The following FARP1 variants were observed in gnomAD, a reference collection of about 807,000 sequenced individuals.
The protein encoded by FARP1 is FERM, ARH/RhoGEF and pleckstrin domain protein 1.
A neutral mutation model predicts 128.8 loss-of-function variants in FARP1; 52 were observed. The ratio of observed to expected loss-of-function variants is 0.40; its 90% CI spans 0.32 to 0.51. The LOEUF is 0.51. Among genes scored for constraint, FARP1 ranks in the 20% least tolerant of loss-of-function variants. The pLI is 0.45. For synonymous variants in FARP1, 580 were observed against 551.8 expected, an observed-to-expected ratio of 1.05 and a Z score of -0.72; for missense variants, 1,333 against 1,367.9, an observed-to-expected ratio of 0.97 and a Z score of 0.40.
At chr13:98,430,267 A>G (rs192724954) in intron 17 of FARP1, among the ~76,000 whole-genome samples, 1 of 152,328 alleles carries the variant, frequency 6.6e-6, no homozygotes, top group Admixed American at 6.5e-5. Context: ...ATAAAAATTC[A>G]GATTTGGGAG....
intron 3 of FARP1, among the ~76,000 whole-genome samples, chr13:98,353,412 C>T (rs1280810521): frequency 1.3e-5 from 2 of 152,164 alleles, no homozygotes; most frequent in Admixed American, 6.5e-5. Flanking sequence ...GAGTTTCACT[C>T]TTGTTGCCCA....
chr13:98,446,172 A>G lies in FARP1; in HGVS notation c.2871A>G (p.Thr957=). The change falls in exon 25 of 27, where the codon ACA becomes ACG. Residue 957 remains threonine, a synonymous_variant. Coordinates refer to ENST00000319562, the MANE Select transcript of FARP1 (RefSeq NM_005766.4). ...GGCAGAAGCTGTGGGTGGTGTTCAC[A>G]AACTTCTGCCTGTTCTTCTACAAAT... is the stretch of plus-strand genomic sequence containing the variant. The part of the protein sequence containing the change: ...NGWQKLWVVF[T]NFCLFFYKSH... 1.9e-6 allele frequency: 3 copies of G among 1,613,818 alleles called. No homozygotes were observed. The highest frequency in any genetic ancestry group is 2.5e-6 in the Non-Finnish European group (3 of 1,179,712).
intron 6 of FARP1, chr13:98,382,430 C>T (rs1209753705): frequency 1.3e-5 from 2 of 152,088 alleles, no homozygotes; most frequent in Non-Finnish European, 2.9e-5. Context: ...CACCCTGATG[C>T]CAAAGGAAAA....
intron 2 of FARP1, among the ~76,000 whole-genome samples, chr13:98,285,640 C>G (rs563828509): frequency 6.6e-6 from 1 of 152,162 alleles, no homozygotes; most frequent in African/African-American, 2.4e-5. Flanking sequence ...TTTTGTTTTG[C>G]GTATTTGGTC....
intron 3 of FARP1, among the ~76,000 whole-genome samples, chr13:98,349,259 C>T (rs1566905566): frequency 6.6e-6 from 1 of 152,206 alleles, no homozygotes; most frequent in Non-Finnish European, 1.5e-5. Context: ...TAATCAGATA[C>T]TTTACAATGA....
Position 98,246,866 on chromosome 13 carries a change from C to T in FARP1, c.171+33453C>T, listed in dbSNP as rs1196837625. 5.3e-5 allele frequency among the ~76,000 whole-genome samples: 8 copies of T among 152,254 alleles called. No homozygotes were observed. The East Asian group carries it at 1.5e-3, about 29-fold the overall frequency. On this transcript the variant is annotated intron_variant, in intron 2 of 26. Coordinates refer to ENST00000319562, the MANE Select transcript of FARP1 (RefSeq NM_005766.4). ...TGTTCCTTGAGCCCATGGATTCTGC[C>T]TGTGCACTTCCTGCATACAACCGTC...
intron 2 of FARP1, among the ~76,000 whole-genome samples, chr13:98,246,182 C>CTT (rs1488949258): frequency 6.8e-6 from 1 of 147,070 alleles, no homozygotes; most frequent in African/African-American, 2.5e-5. Flanking sequence ...GCAGGCTCCG[C>CTT]CCCCTGGGGT....
intron 1 of FARP1, among the ~76,000 whole-genome samples, chr13:98,151,228 A>G (rs1302250654): frequency 2.0e-5 from 3 of 152,156 alleles, no homozygotes; most frequent in Non-Finnish European, 4.4e-5. Context: ...GGTTATTGTT[A>G]ATCTCACTGT....
In FARP1 at chr13:98,176,863, G is replaced by A. The variant is rs1241250348; in HGVS notation, c.-24+33371G>A. On this transcript the variant is annotated intron_variant, in intron 1 of 26. Coordinates refer to ENST00000319562, the MANE Select transcript of FARP1 (RefSeq NM_005766.4). The surrounding 1 kb of genome is among the most constrained non-coding windows in gnomAD (Gnocchi z 6.2). The stretch of plus-strand genomic sequence containing the variant: ...CCGCTGGCTGCACTTGAGGATGGTC[G>A]GCGTATGGTGCTCCTTCTCGGTGTC... The A allele has an allele frequency of 7.5e-6, 12 of 1,609,108 alleles. No homozygotes were observed. Among genetic ancestry groups the A allele is most frequent in the Non-Finnish European group, 9.3e-6 (11 of 1,179,908 alleles).
At chr13:98,204,806 G>A (rs1390539461) in intron 1 of FARP1, among the ~76,000 whole-genome samples, 1 of 152,144 alleles carries the variant, frequency 6.6e-6, no homozygotes, top group Non-Finnish European at 1.5e-5. Context: ...CTAACTGGTG[G>A]TGGTGGTGGT....
chr13:98,176,810 G>C lies in FARP1; in HGVS notation c.-24+33318G>C, dbSNP rs764675566. On this transcript the variant is annotated intron_variant, in intron 1 of 26. Transcript: ENST00000319562. The surrounding 1 kb of genome is among the most constrained non-coding windows in gnomAD (Gnocchi z 6.2). The stretch of plus-strand genomic sequence containing the variant: ...TGGATTCCCCGGTAGATGTGGTCGT[G>C]CTCCCGACCCCGCAGTGCCTCCTGG... The C allele has an allele frequency of 6.2e-7, 1 of 1,613,260 alleles. No homozygotes were observed. Among genetic ancestry groups the C allele is most frequent in the Non-Finnish European group, 8.5e-7 (1 of 1,179,990 alleles).
chr13:98,376,191 G>A (rs541544429), intron 5 of FARP1, among the ~76,000 whole-genome samples: 46 of 152,208 alleles, frequency 3.0e-4, no homozygotes, highest in African/African-American at 1.1e-3. Context: ...ATTATTGACT[G>A]TAGTCACCCA....
intron 1 of FARP1, among the ~76,000 whole-genome samples, chr13:98,168,530 G>A (rs989952022): frequency 3.3e-5 from 5 of 152,336 alleles, no homozygotes; most frequent in East Asian, 1.9e-4. Flanking sequence ...CCTGGTCAGC[G>A]TCCTGGGGTC....
Position 98,176,607 on chromosome 13 carries a change from GCTGT to G in FARP1, c.-24+33117_-24+33120del. 1 of 1,614,232 alleles carries G rather than the reference GCTGT, an allele frequency of 6.2e-7. No individual in the cohort carries two copies. Among genetic ancestry groups the G allele is most frequent in the Admixed American group, 1.7e-5 (1 of 60,028 alleles). On this transcript the variant is annotated intron_variant, in intron 1 of 26. Coordinates refer to ENST00000319562, the MANE Select transcript of FARP1 (RefSeq NM_005766.4). This position sits in a 1 kb window ranked among gnomAD's most constrained non-coding sequence, Gnocchi z 6.2. ...CGGAACGGTCGTGGAGGAATTTGCAGCTGTCCCCGAAGCCACAGAAGCCAGTCTC... is the reference window on the plus strand; with the variant it reads ...CGGAACGGTCGTGGAGGAATTTGCAGCCCCGAAGCCACAGAAGCCAGTCTC...
At chr13:98,319,619 C>T (rs1886903481) in intron 2 of FARP1, among the ~76,000 whole-genome samples, 1 of 152,212 alleles carries the variant, frequency 6.6e-6, no homozygotes, top group Non-Finnish European at 1.5e-5. Context: ...GACTCTGTCT[C>T]AGAAAAGAAT....
At chr13:98,184,772 G>A (rs72655117) in intron 1 of FARP1, among the ~76,000 whole-genome samples, 5 of 152,234 alleles carry the variant, frequency 3.3e-5, no homozygotes, top group African/African-American at 4.8e-5. Flanking sequence ...ATTGTTTCTA[G>A]TACCGTGTCT....
At chr13:98,380,100 G>A (rs1019558262) in intron 6 of FARP1, among the ~76,000 whole-genome samples, 1 of 152,148 alleles carries the variant, frequency 6.6e-6, no homozygotes, top group African/African-American at 2.4e-5. Context: ...ATGCCATTGA[G>A]TCGTGTACTT....
chr13:98,188,727 G>T (rs559481342), intron 1 of FARP1, among the ~76,000 whole-genome samples: 2 of 152,118 alleles, frequency 1.3e-5, no homozygotes, highest in Non-Finnish European at 2.9e-5. Context: ...TGGAGTCTGC[G>T]GTGTCCACAC....
chr13:98,243,651 C>T (rs1044265715), intron 2 of FARP1, among the ~76,000 whole-genome samples: 14 of 142,002 alleles, frequency 9.9e-5, no homozygotes, highest in African/African-American at 3.2e-4. Flanking sequence ...GAGCCTAGAT[C>T]GTGCCACTGC....
Sources: allele counts gnomAD v4.1 joint callset (sites outside exome capture counted in the v4.1 genomes callset), GRCh38; gene constraint gnomAD v4.1.1; non-coding constraint Gnocchi (gnomAD v3.1); transcripts MANE v1.5; gene names NCBI Gene and HGNC (gene_info 2026-07-23, HGNC 2026-07-21).